Variants in ANO4 observed in about 807,000 individuals in gnomAD.
The protein encoded by ANO4 is anoctamin 4.
Under a neutral mutation model 141.9 loss-of-function variants are expected in ANO4, and 69 were observed. The observed-to-expected ratio is 0.49, with a 90% CI of 0.40 to 0.59. The LOEUF (loss-of-function observed/expected upper bound fraction) is 0.59. ANO4 is among the 20% of genes least tolerant of loss of function. The probability of loss-of-function intolerance (pLI) is 0.00; values close to 1 mark genes in which losing one functional copy is unlikely to be tolerated. For synonymous variants in ANO4, 350 were observed against 394.3 expected, an observed-to-expected ratio of 0.89 and a Z score of 1.33; for missense variants, 894 against 1,162.2, an observed-to-expected ratio of 0.77 and a Z score of 3.36.
chr12:100,885,948 C>A (rs985129803), intron 1 of ANO4, among the ~76,000 whole-genome samples: 1 of 152,184 alleles, frequency 6.6e-6, no homozygotes, highest in African/African-American at 2.4e-5. Flanking sequence ...CTGAACTTAA[C>A]ATCTTGCCTA....
intron 3 of ANO4, among the ~76,000 whole-genome samples, chr12:100,748,461 G>C (rs1046420162): frequency 1.3e-5 from 2 of 152,204 alleles, no homozygotes; most frequent in Admixed American, 1.3e-4. Context: ...CTTTCTGCTA[G>C]AGTGTTAGTT....
rs560976103 is a variant in ANO4 at position 100,832,221 on chromosome 12, G to A, written c.-141+37194G>A. 2.6e-5 allele frequency among the ~76,000 whole-genome samples: 4 copies of A among 152,136 alleles called. No homozygotes were observed. The South Asian group carries it at 8.3e-4, about 32-fold the overall frequency. On this transcript the variant is annotated intron_variant, in intron 1 of 27. Coordinates refer to ENST00000392977, the MANE Select transcript of ANO4 (RefSeq NM_001286615.2). ...CTACCTGTCATGAAAGAACGCAGAT[G>A]ACTTTTTAAGAATATTTATGTAGTC... is the stretch of plus-strand genomic sequence containing the variant.
At chr12:100,917,224 A>G (rs1480477079) in intron 2 of ANO4, among the ~76,000 whole-genome samples, 1 of 152,172 alleles carries the variant, frequency 6.6e-6, no homozygotes, top group East Asian at 1.9e-4. Context: ...CCACATATTT[A>G]GGGATCTTCT....
chr12:100,937,990 T>C (rs1191484917), intron 3 of ANO4, among the ~76,000 whole-genome samples: 1 of 152,216 alleles, frequency 6.6e-6, no homozygotes, highest in Non-Finnish European at 1.5e-5. Context: ...TAAAATCCTT[T>C]CGGTGATAAA....
chr12:101,014,089 C>T (rs915916935), intron 8 of ANO4, among the ~76,000 whole-genome samples: 1 of 152,026 alleles, frequency 6.6e-6, no homozygotes, highest in African/African-American at 2.4e-5. Flanking sequence ...TTGCATTCCC[C>T]TCTCAAAATA....
chr12:101,128,550 A>G lies in ANO4; in HGVS notation c.*694A>G, dbSNP rs1403013429. On this transcript the variant is annotated 3_prime_UTR_variant, in exon 28 of 28. Coordinates refer to ENST00000392977, the MANE Select transcript of ANO4 (RefSeq NM_001286615.2). ...GACATGAGTGAATTTTCACATTTAA[A>G]TAGTCATCAATATGAAGCCATGATT... 6.6e-6 allele frequency: 1 copy of G among 152,664 alleles called. No individual in the cohort carries two copies. The highest frequency in any genetic ancestry group is 1.5e-5 in the Non-Finnish European group (1 of 68,046). 9.5% of individuals were successfully genotyped at this position (152,664 alleles called of 1,614,324 possible). A position where few individuals can be genotyped will look rare whatever the true frequency, so the allele number is the denominator to read the frequency against.
chr12:100,739,917 G>A, exon 3 of ANO4: 1 of 702,564 alleles, frequency 1.4e-6, no homozygotes, highest in Non-Finnish European at 2.6e-6. Flanking sequence ...TACGTACAAG[G>A]CAGACCAACC....
chr12:100,729,673 G>A (rs1290200855), intron 1 of ANO4, among the ~76,000 whole-genome samples: 1 of 152,096 alleles, frequency 6.6e-6, no homozygotes, highest in African/African-American at 2.4e-5. Flanking sequence ...TTTAACTCTA[G>A]GTGGTTCTTA....
chr12:101,035,342 CAGAA>C (rs2047152432), intron 9 of ANO4, among the ~76,000 whole-genome samples: 1 of 152,066 alleles, frequency 6.6e-6, no homozygotes, highest in Non-Finnish European at 1.5e-5. Flanking sequence ...TTGATAGTGA[CAGAA>C]AGCAGATCAG....
At chr12:101,049,844 A>G (rs2047789462) in intron 14 of ANO4, among the ~76,000 whole-genome samples, 1 of 152,166 alleles carries the variant, frequency 6.6e-6, no homozygotes. Flanking sequence ...GCCAGTAAGC[A>G]TTTGAACCAA....
At chr12:100,761,253 C>T (rs181269513) in intron 3 of ANO4, among the ~76,000 whole-genome samples, 2 of 152,254 alleles carry the variant, frequency 1.3e-5, no homozygotes, top group East Asian at 3.9e-4. Flanking sequence ...AGCCCCAGGC[C>T]TATGTCTCAT....
chr12:101,114,349 C>A (rs1020355087), intron 24 of ANO4, among the ~76,000 whole-genome samples: 5 of 152,114 alleles, frequency 3.3e-5, no homozygotes, highest in Admixed American at 3.3e-4. Flanking sequence ...CATCTTTTCC[C>A]CCATTATGGA....
chr12:100,899,441 G>T, intron 1 of ANO4, among the ~76,000 whole-genome samples: 1 of 152,208 alleles, frequency 6.6e-6, no homozygotes, highest in African/African-American at 2.4e-5. Flanking sequence ...TGGAATGAGG[G>T]CAGTTAAATG....
chr12:100,944,658 A>G (rs1474842442), intron 5 of ANO4, among the ~76,000 whole-genome samples: 3 of 152,128 alleles, frequency 2.0e-5, no homozygotes, highest in Non-Finnish European at 4.4e-5. Context: ...CTGACTTTGC[A>G]TAAATGGTGC....
chr12:100,983,001 C>G (rs1434764150), intron 7 of ANO4, among the ~76,000 whole-genome samples: 2 of 152,170 alleles, frequency 1.3e-5, no homozygotes, highest in African/African-American at 4.8e-5. Context: ...ATCAAGAGTC[C>G]AACTTGAATC....
intron 2 of ANO4, among the ~76,000 whole-genome samples, chr12:100,918,068 T>C (rs2041432858): frequency 1.3e-5 from 2 of 152,228 alleles, no homozygotes; most frequent in Admixed American, 1.3e-4. Context: ...GGCTCACGCC[T>C]ATAATCCCAG....
intron 1 of ANO4, among the ~76,000 whole-genome samples, chr12:100,856,571 A>G (rs925057523): frequency 1.3e-5 from 2 of 152,166 alleles, no homozygotes; most frequent in African/African-American, 4.8e-5. Context: ...GTATTTTGAG[A>G]ACACAGAAGA....
Position 100,942,476 on chromosome 12 carries a change from GA to G in ANO4, c.401del (p.Lys134ArgfsTer22), listed in dbSNP as rs2042560630. 2 of 1,614,080 alleles carry G rather than the reference GA, an allele frequency of 1.2e-6. No individual in the cohort carries two copies. Among genetic ancestry groups the G allele is most frequent in the Non-Finnish European group, 1.7e-6 (2 of 1,179,998 alleles). On this transcript the variant is annotated frameshift_variant, in exon 5 of 28. Coordinates refer to ENST00000392977, the MANE Select transcript of ANO4 (RefSeq NM_001286615.2). LOFTEE classifies it high-confidence loss of function. ...LVYRKSNPQT[E>X]KREVFERNIR... The stretch of plus-strand genomic sequence containing the variant: ...GTACAGAAAATCCAACCCCCAGACT[GA>G]AAAGAGAGAAGTATTTGAAAGAAAC...
chr12:100,982,268 A>G (rs2044500480), intron 7 of ANO4, among the ~76,000 whole-genome samples: 1 of 152,224 alleles, frequency 6.6e-6, no homozygotes, highest in Non-Finnish European at 1.5e-5. Context: ...AACCAAAATC[A>G]ATGCTAAATC....
Sources: gnomAD v4.1 joint callset for allele counts (sites outside exome capture counted in the v4.1 genomes callset) on GRCh38, gnomAD v4.1.1 for gene constraint, MANE v1.5 for transcripts, NCBI Gene and HGNC (gene_info 2026-07-23, HGNC 2026-07-21) for gene names.